Variants in NRP1 observed in about 807,000 individuals in gnomAD.
NRP1 encodes neuropilin 1.
Under a neutral mutation model 106.7 loss-of-function variants are expected in NRP1, and 35 were observed. That is an observed-to-expected ratio of 0.33 (90% CI 0.25 to 0.43). The LOEUF (loss-of-function observed/expected upper bound fraction) is 0.43, where lower values mean the gene tolerates loss of function less well. Ranked by LOEUF, NRP1 falls within the 20% of genes least tolerant of loss-of-function variation. The pLI is 1.00. For missense variants in NRP1, 1,024 were observed against 1,170.4 expected, an observed-to-expected ratio of 0.87 and a Z score of 1.83; for synonymous variants, 437 against 417.9, an observed-to-expected ratio of 1.05 and a Z score of -0.56.
At position 33,199,704 on chromosome 10, in the gene NRP1, C is replaced by T. The variant is rs1329549188; in HGVS notation, c.1865-1995G>A. ...GGAAGTAACCTGTTATGTCCAGATA[C>T]AGTATTGAACCAATTCAGGGTAAGG... On this transcript the variant is annotated intron_variant, in intron 11 of 16. Coordinates refer to ENST00000374867, the MANE Select transcript of NRP1 (RefSeq NM_003873.7). 5.9e-5 allele frequency among the ~76,000 whole-genome samples: 9 copies of T among 152,008 alleles called. No homozygotes were observed. In the South Asian group the frequency reaches 1.7e-3, roughly 28 times the overall value.
At chr10:33,292,703 A>G (rs1845086803) in intron 2 of NRP1, among the ~76,000 whole-genome samples, 1 of 152,030 alleles carries the variant, frequency 6.6e-6, no homozygotes, top group African/African-American at 2.4e-5. Flanking sequence ...TGTTTGTAAA[A>G]CCTGCCAACG....
At chr10:33,201,069 T>A (rs1837266475) in intron 11 of NRP1, 2 of 152,220 alleles carry the variant, frequency 1.3e-5, no homozygotes, top group Admixed American at 6.5e-5. Context: ...TGAACTTTCT[T>A]CTATCTACCA....
chr10:33,238,388 A>G (rs980722440), intron 6 of NRP1, among the ~76,000 whole-genome samples: 2 of 152,244 alleles, frequency 1.3e-5, no homozygotes, highest in Non-Finnish European at 2.9e-5. Flanking sequence ...TCTTCTAATG[A>G]TGAGCAGTTG....
chr10:33,330,286 G>T lies in NRP1; in HGVS notation c.248+422C>A, dbSNP rs141121459. ...GCCACAGTTCAATATATCTCAAATA[G>T]TGAGATCTCCAATCACACTATCTGT... On this transcript the variant is annotated intron_variant, in intron 2 of 16. Transcript: ENST00000374867. Among the ~76,000 whole-genome samples, 5 of 151,710 alleles carry T rather than the reference G, an allele frequency of 3.3e-5. No individual in the cohort carries two copies. In the East Asian group the frequency reaches 9.7e-4, roughly 29 times the overall value.
At chr10:33,185,895 T>C (rs928015755) in intron 14 of NRP1, among the ~76,000 whole-genome samples, 171 bp from the exon 15 acceptor site, 1 of 152,198 alleles carries the variant, frequency 6.6e-6, no homozygotes, top group Non-Finnish European at 1.5e-5. Flanking sequence ...GTATGCACCT[T>C]CTCCTTACAC....
At chr10:33,199,860 C>A (rs941530089) in intron 11 of NRP1, among the ~76,000 whole-genome samples, 1 of 152,170 alleles carries the variant, frequency 6.6e-6, no homozygotes, top group African/African-American at 2.4e-5. Flanking sequence ...GCCTATCTGG[C>A]AGCTCCCACA....
chr10:33,293,686 T>C (rs1222356411), intron 2 of NRP1, among the ~76,000 whole-genome samples: 1 of 152,164 alleles, frequency 6.6e-6, no homozygotes, highest in South Asian at 2.1e-4. Flanking sequence ...ACAGAAAACA[T>C]GTTCGTTATT....
At chr10:33,237,576 C>CTTTTTT (rs36019831) in intron 6 of NRP1, among the ~76,000 whole-genome samples, 1 of 99,880 alleles carries the variant, frequency 1.0e-5, no homozygotes, top group Non-Finnish European at 1.9e-5. Flanking sequence ...TTTCCTTCTT[C>CTTTTTT]TTTTTTTTTT....
chr10:33,202,486 C>A, intron 11 of NRP1: 2 of 931,188 alleles, frequency 2.1e-6, no homozygotes, highest in Non-Finnish European at 3.0e-6. Context: ...AAAGGATCCA[C>A]TCAAAAAAAC....
chr10:33,295,015 A>C (rs2132657286), intron 2 of NRP1, among the ~76,000 whole-genome samples: 1 of 152,312 alleles, frequency 6.6e-6, no homozygotes, highest in South Asian at 2.1e-4. Context: ...CAGTTATCAA[A>C]TAATTTAAAA....
chr10:33,227,149 G>C (rs1353390309), intron 6 of NRP1, among the ~76,000 whole-genome samples: 1 of 152,106 alleles, frequency 6.6e-6, no homozygotes, highest in East Asian at 1.9e-4. Context: ...CTTGATCCCT[G>C]GTGCAAAAGA....
chr10:33,206,374 G>C lies in NRP1; in HGVS notation c.1759+1198C>G, dbSNP rs560514029. The C allele has an allele frequency of 5.8e-6, 3 of 516,866 alleles. No individual in the cohort carries two copies. In the East Asian group the frequency reaches 1.6e-4, roughly 28 times the overall value. 32.0% of individuals were successfully genotyped at this position (516,866 alleles called of 1,614,324 possible). On this transcript the variant is annotated intron_variant, in intron 10 of 16. Coordinates refer to ENST00000374867, the MANE Select transcript of NRP1 (RefSeq NM_003873.7). ...AGTGCCTGGATAATTTAGGGGTTTG[G>C]GACATGACTACAGATATGGAAACAA...
chr10:33,326,590 G>A (rs1396940504), intron 2 of NRP1, among the ~76,000 whole-genome samples: 4 of 152,074 alleles, frequency 2.6e-5, no homozygotes, highest in Non-Finnish European at 5.9e-5. Context: ...GCAGACAGAC[G>A]CTCCACTGGT....
intron 5 of NRP1, among the ~76,000 whole-genome samples, chr10:33,255,208 T>C (rs1160159178): frequency 6.6e-6 from 1 of 152,238 alleles, no homozygotes; most frequent in Non-Finnish European, 1.5e-5. Flanking sequence ...TTCATATTTT[T>C]AAGCTTAGGT....
chr10:33,330,608 C>T, intron 2 of NRP1, 100 bp downstream of exon 2: 1 of 937,186 alleles, frequency 1.1e-6, no homozygotes, highest in South Asian at 2.7e-5. Context: ...CCTCCTGGAT[C>T]CATTTATAAT....
intron 2 of NRP1, among the ~76,000 whole-genome samples, chr10:33,319,941 G>T (rs952021957): frequency 6.6e-6 from 1 of 151,712 alleles, no homozygotes; most frequent in Non-Finnish European, 1.5e-5. Flanking sequence ...CCCCAGTTCC[G>T]TTCTTGGTCA....
At chr10:33,204,528 T>C (rs1837606702) in intron 10 of NRP1, among the ~76,000 whole-genome samples, 1 of 152,222 alleles carries the variant, frequency 6.6e-6, no homozygotes, top group Admixed American at 6.5e-5. Flanking sequence ...GATAATGTGC[T>C]ACCTTTAAGT....
chr10:33,243,099 C>A (rs182372869), intron 6 of NRP1, among the ~76,000 whole-genome samples: 246 of 152,186 alleles, frequency 1.6e-3, no homozygotes, highest in Non-Finnish European at 2.3e-3. Flanking sequence ...CTTATCTCCC[C>A]CTGTGGGCTG....
chr10:33,277,391 G>C (rs1029287310), intron 2 of NRP1, among the ~76,000 whole-genome samples: 3 of 152,242 alleles, frequency 2.0e-5, no homozygotes, highest in Admixed American at 2.0e-4. Flanking sequence ...TTGGCTCCTG[G>C]AGGGGGCTGC....
Sources: allele counts gnomAD v4.1 joint callset (sites outside exome capture counted in the v4.1 genomes callset), GRCh38; gene constraint gnomAD v4.1.1; transcripts MANE v1.5; gene names NCBI Gene and HGNC (gene_info 2026-07-23, HGNC 2026-07-21).